GSTO2: variants seen among roughly 807,000 people sequenced by gnomAD.
GSTO2 encodes glutathione S-transferase omega-2.
GSTO2 carries 23 observed loss-of-function variants against 28.4 expected under a neutral mutation model. The observed-to-expected ratio is 0.81, with a 90% CI of 0.58 to 1.15. GSTO2 has a LOEUF of 1.15. Among genes scored for constraint, GSTO2 ranks in the 50% most tolerant of loss-of-function variants. GSTO2 has a pLI of 0.00. For missense variants in GSTO2, 298 were observed against 297.8 expected (o/e 1.00, Z 0.00); for synonymous variants, 109 against 111.0 (o/e 0.98, Z 0.11).
intron 5 of GSTO2, 89 bp from the exon 6 acceptor site, chr10:104,297,489 G>A (rs550433374): frequency 1.3e-6 from 1 of 796,328 alleles, no homozygotes; most frequent in Admixed American, 2.2e-5. Context: ...CTCCCTCTCT[G>A]GGAATTAATT....
chr10:104,275,410 C>T, intron 3 of GSTO2, 76 bp downstream of exon 3: 1 of 1,362,156 alleles, frequency 7.3e-7, no homozygotes, highest in Non-Finnish European at 1.0e-6. Flanking sequence ...ACATCTGGGG[C>T]GCCCTGCTCA....
At chr10:104,283,944 C>A (rs1160774497) in intron 5 of GSTO2, among the ~76,000 whole-genome samples, 1 of 151,790 alleles carries the variant, frequency 6.6e-6, no homozygotes, top group African/African-American at 2.4e-5. Context: ...AAACAGAAGG[C>A]TCAGTTAACC....
chr10:104,303,724 C>T lies in GSTO2; in HGVS notation c.*4440C>T, dbSNP rs1358567769. ...AATGGCCAAGAAAATGGGGAAAAGG[C>T]CTTGAAGGCATTTCAGAGACCTTTG... On this transcript the variant is annotated 3_prime_UTR_variant, in exon 7 of 7. Transcript: ENST00000338595. The T allele has an allele frequency of 6.6e-6, 1 of 152,198 alleles. No homozygotes were observed. Among genetic ancestry groups the T allele is most frequent in the East Asian group, 1.9e-4 (1 of 5,204 alleles). 9.4% of individuals were successfully genotyped at this position (152,198 alleles called of 1,614,324 possible).
At chr10:104,281,522 G>A (rs1339874618) in intron 5 of GSTO2, among the ~76,000 whole-genome samples, 1 of 152,182 alleles carries the variant, frequency 6.6e-6, no homozygotes, top group African/African-American at 2.4e-5. Context: ...CTAGATGAAA[G>A]TATAGGGTTA....
At chr10:104,275,460 A>G (rs2011589165) in intron 3 of GSTO2, 126 bp downstream of exon 3, 1 of 769,772 alleles carries the variant, frequency 1.3e-6, no homozygotes, top group South Asian at 2.0e-5. Flanking sequence ...TTCGGAGGCA[A>G]AGTCAACAAA....
Position 104,301,465 on chromosome 10 carries a change from C to T in GSTO2, c.*2181C>T, listed in dbSNP as rs990900664. On this transcript the variant is annotated 3_prime_UTR_variant, in exon 7 of 7. Coordinates refer to ENST00000338595, the MANE Select transcript of GSTO2 (RefSeq NM_183239.2). ...TCCTGGTCACCTGCACATCCTTACA[C>T]TTCCTCCATCTCGCTTCTTTGTCAC... 3.9e-5 allele frequency: 6 copies of T among 152,244 alleles called. No homozygotes were observed. The highest frequency in any genetic ancestry group is 1.3e-4 in the Admixed American group (2 of 15,280). 9.4% of individuals were successfully genotyped at this position (152,244 alleles called of 1,614,324 possible).
Position 104,299,448 on chromosome 10 carries a change from C to T in GSTO2, c.*164C>T, listed in dbSNP as rs1298620014. On this transcript the variant is annotated 3_prime_UTR_variant, in exon 7 of 7. Coordinates refer to ENST00000338595, the MANE Select transcript of GSTO2 (RefSeq NM_183239.2). Reference sequence around the variant, plus strand: ...TCTGATAATCATTTGTCTGACTCCTCTAGCCTGTAGCTGCTGCTACTGCTG... The same window carrying T: ...TCTGATAATCATTTGTCTGACTCCTTTAGCCTGTAGCTGCTGCTACTGCTG... 2.5e-6 allele frequency: 2 copies of T among 784,870 alleles called. No homozygotes were observed. The highest frequency in any genetic ancestry group is 2.0e-6 in the Non-Finnish European group (1 of 499,140). 48.6% of individuals were successfully genotyped at this position (784,870 alleles called of 1,614,324 possible).
intron 5 of GSTO2, among the ~76,000 whole-genome samples, chr10:104,294,778 A>G (rs2012948267): frequency 6.6e-6 from 1 of 152,136 alleles, no homozygotes. Context: ...TTATTTTATG[A>G]GCGTTTATAT....
chr10:104,297,853 T>C (rs1251702076), intron 6 of GSTO2, among the ~76,000 whole-genome samples, 169 bp downstream of exon 6: 3 of 152,208 alleles, frequency 2.0e-5, no homozygotes, highest in African/African-American at 7.2e-5. Context: ...GCTTTTCCAC[T>C]GCTAACTTCA....
chr10:104,294,003 A>G (rs1163945972), intron 5 of GSTO2, among the ~76,000 whole-genome samples: 4 of 151,976 alleles, frequency 2.6e-5, no homozygotes, highest in African/African-American at 9.7e-5. Context: ...TCCCCATGGG[A>G]GACAAGAATC....
chr10:104,297,618 G>A lies in GSTO2; in HGVS notation c.509G>A (p.Cys170Tyr). The change falls in exon 6 of 7, where the codon TGT becomes TAT. Residue 170 changes from cysteine to tyrosine, a missense_variant. Coordinates refer to ENST00000338595, the MANE Select transcript of GSTO2 (RefSeq NM_183239.2). ...AACACCACCTTCTTTGGTGGAACCT[G>A]TATATCCATGATTGATTACCTCCTC... ...YQNTTFFGGT[C>Y]ISMIDYLLWP... The A allele has an allele frequency of 1.2e-6, 2 of 1,613,790 alleles. No individual in the cohort carries two copies. Among genetic ancestry groups the A allele is most frequent in the South Asian group, 1.1e-5 (1 of 91,072 alleles).
intron 5 of GSTO2, 123 bp from the exon 6 acceptor site, chr10:104,297,455 G>C: frequency 1.6e-6 from 1 of 609,482 alleles, no homozygotes; most frequent in Non-Finnish European, 2.9e-6. Context: ...CCTAACCAGA[G>C]GGAGAAGGAG....
intron 4 of GSTO2, among the ~76,000 whole-genome samples, chr10:104,278,644 C>T (rs542043863): frequency 6.6e-6 from 1 of 152,140 alleles, no homozygotes; most frequent in East Asian, 1.9e-4. Flanking sequence ...ACCACACCCC[C>T]TAATTGTTGT....
At chr10:104,271,373 T>C (rs575691467) in intron 1 of GSTO2, among the ~76,000 whole-genome samples, 2 of 152,274 alleles carry the variant, frequency 1.3e-5, no homozygotes, top group Non-Finnish European at 2.9e-5. Flanking sequence ...CTATTTAAAA[T>C]GTGTTCTTAC....
rs1442210887 is a variant in GSTO2 at position 104,297,682 on chromosome 10, G to A, written c.573G>A (p.Leu191=). The stretch of plus-strand genomic sequence containing the variant: ...AGCGGCTGGATGTGTATGGGATACT[G>A]GAGTAAGACATTTGACATTGTGGTG... ...WFERLDVYGI[L]DCVSHTPALR... is the part of the protein sequence containing the mutation. The change falls in exon 6 of 7, where the codon CTG becomes CTA. Residue 191 remains leucine, a splice_region_variant and synonymous_variant. Transcript: ENST00000338595. 6.2e-7 allele frequency: 1 copy of A among 1,603,430 alleles called. No individual in the cohort carries two copies. Among genetic ancestry groups the A allele is most frequent in the East Asian group, 2.2e-5 (1 of 44,824 alleles).
intron 5 of GSTO2, among the ~76,000 whole-genome samples, chr10:104,293,174 G>C (rs1346681521): frequency 6.6e-6 from 1 of 152,166 alleles, no homozygotes; most frequent in Non-Finnish European, 1.5e-5. Flanking sequence ...AGCATGAAAA[G>C]GTGAGACTAA....
chr10:104,270,930 G>A (rs1225385863), intron 1 of GSTO2, among the ~76,000 whole-genome samples: 1 of 152,200 alleles, frequency 6.6e-6, no homozygotes, highest in African/African-American at 2.4e-5. Flanking sequence ...ACCCATGACC[G>A]AAGATCCAAA....
intron 5 of GSTO2, among the ~76,000 whole-genome samples, chr10:104,279,853 C>A (rs2011913302): frequency 6.6e-6 from 1 of 152,058 alleles, no homozygotes; most frequent in Non-Finnish European, 1.5e-5. Flanking sequence ...ACATAACATT[C>A]TTTCTCACGT....
rs2011579480 is a variant in GSTO2 at position 104,275,322 on chromosome 10, C to T, written c.131C>T (p.Ala44Val). ...CACAGGACCCGCCTCGTCCTCAAGGCCAAAGACATCAGGTGAGAAGCGGGA... is the reference window on the plus strand; with the variant it reads ...CACAGGACCCGCCTCGTCCTCAAGGTCAAAGACATCAGGTGAGAAGCGGGA... ...YSHRTRLVLKAKDIRHEVVNI... is the reference protein window; with the variant it reads ...YSHRTRLVLKVKDIRHEVVNI... Residue 44 changes from alanine (A) to valine (V), a missense_variant, in exon 3 of 7, where the codon GCC (alanine) becomes GTC (valine). By Grantham distance (64) the Ala-to-Val change is moderately conservative. Transcript: ENST00000338595. 5 of 1,613,952 alleles carry T rather than the reference C, an allele frequency of 3.1e-6. No individual in the cohort carries two copies. Among genetic ancestry groups the T allele is most frequent in the Non-Finnish European group, 4.2e-6 (5 of 1,179,916 alleles).
Sources: gnomAD v4.1 joint callset for allele counts (sites outside exome capture counted in the v4.1 genomes callset) on GRCh38, gnomAD v4.1.1 for gene constraint, MANE v1.5 for transcripts, NCBI Gene and HGNC (gene_info 2026-07-23, HGNC 2026-07-21) for gene names.